The following NEDD4 variants were observed in gnomAD, a reference collection of about 807,000 sequenced individuals.
NEDD4 encodes the protein E3 ubiquitin-protein ligase NEDD4.
Under a neutral mutation model 144.9 loss-of-function variants are expected in NEDD4, and 99 were observed. The observed-to-expected ratio is 0.68, with a 90% CI of 0.58 to 0.81. NEDD4 has a LOEUF of 0.81. Among genes scored for constraint, NEDD4 ranks in the 30% least tolerant of loss-of-function variants. NEDD4 has a pLI of 0.00. For missense variants in NEDD4, 985 were observed against 1,065.9 expected (o/e 0.92, Z 1.06); for synonymous variants, 318 against 350.6 (o/e 0.91, Z 1.04).
At chr15:55,978,810 T>C (rs62045225) in intron 1 of NEDD4, among the ~76,000 whole-genome samples, 27,305 of 151,666 alleles carry the variant, frequency 0.18, 2,552 homozygotes, top group Non-Finnish European at 0.21. Flanking sequence ...TGTGATGTAA[T>C]GTGTTATCTA....
intron 28 of NEDD4, 79 bp from the exon 29 acceptor site, chr15:55,830,078 A>G: frequency 1.0e-6 from 1 of 961,206 alleles, no homozygotes. Flanking sequence ...CAATGCTGCT[A>G]TTCTTGATGA....
intron 5 of NEDD4, chr15:55,916,093 T>A: frequency 6.2e-7 from 1 of 1,613,982 alleles, no homozygotes; most frequent in Non-Finnish European, 8.5e-7. Flanking sequence ...AATTTCATAA[T>A]CTCTAATCCA....
chr15:55,977,624 A>G (rs2037727558), intron 1 of NEDD4, among the ~76,000 whole-genome samples: 1 of 151,908 alleles, frequency 6.6e-6, no homozygotes, highest in African/African-American at 2.4e-5. Context: ...ATCTTTCAAG[A>G]AAGAAGGGAA....
At chr15:55,910,472 G>A (rs1316260095) in intron 5 of NEDD4, among the ~76,000 whole-genome samples, 1 of 151,824 alleles carries the variant, frequency 6.6e-6, no homozygotes, top group African/African-American at 2.4e-5. Flanking sequence ...GCCTCTGTGT[G>A]GTTCCTCCTT....
rs753189798 is a variant in NEDD4, at chr15:55,869,543, T to G, written c.507+36A>C. 5.8e-5 allele frequency: 75 copies of G among 1,284,970 alleles called. 1 individual carries two copies. In the South Asian group the frequency reaches 7.3e-4, roughly 12 times the overall value. 79.6% of individuals were successfully genotyped at this position (1,284,970 alleles called of 1,614,324 possible). ...AGTACAGTAAAATAAGAAATTAAAA[T>G]TTTTTTAGTTTAACCAAATATTTAT... On this transcript the variant is annotated intron_variant, in intron 8 of 28. Coordinates refer to ENST00000435532, the MANE Select transcript of NEDD4 (RefSeq NM_006154.4).
chr15:55,928,046 G>C (rs1210674022), intron 4 of NEDD4, among the ~76,000 whole-genome samples: 2 of 151,626 alleles, frequency 1.3e-5, no homozygotes, highest in African/African-American at 4.9e-5. Context: ...TTCTCACTCT[G>C]TCACCCTGGC....
intron 4 of NEDD4, among the ~76,000 whole-genome samples, chr15:55,944,545 A>AGG (rs1468118060): frequency 6.6e-6 from 1 of 152,176 alleles, no homozygotes; most frequent in African/African-American, 2.4e-5. Context: ...TATAGACTCA[A>AGG]CCTCTGTGAG....
At chr15:55,973,398 C>CA (rs1566974368) in intron 1 of NEDD4, among the ~76,000 whole-genome samples, 1 of 151,116 alleles carries the variant, frequency 6.6e-6, no homozygotes, top group African/African-American at 2.5e-5. Flanking sequence ...AAAACAACAA[C>CA]AAAAAAACAG....
intron 5 of NEDD4, among the ~76,000 whole-genome samples, chr15:55,907,247 A>T (rs146553620): frequency 0.021 from 3,127 of 152,196 alleles, 51 homozygotes; most frequent in Non-Finnish European, 0.03. Context: ...CAGGAAGTGC[A>T]AACTTTGGCT....
chr15:55,982,719 T>G (rs1445625925), intron 1 of NEDD4, among the ~76,000 whole-genome samples: 4 of 152,194 alleles, frequency 2.6e-5, no homozygotes, highest in African/African-American at 4.8e-5. Context: ...TTTCACTCTT[T>G]GTAAATTTCA....
intron 27 of NEDD4, among the ~76,000 whole-genome samples, chr15:55,831,219 C>T (rs1315154316): frequency 6.6e-6 from 1 of 152,148 alleles, no homozygotes; most frequent in Non-Finnish European, 1.5e-5. Flanking sequence ...CGCACCCAGC[C>T]GCCTTAACAT....
At chr15:55,876,161 A>AT (rs1381078917) in intron 5 of NEDD4, among the ~76,000 whole-genome samples, 1 of 152,170 alleles carries the variant, frequency 6.6e-6, no homozygotes. Flanking sequence ...AAAACTATCC[A>AT]TAAAAAAGGG....
At chr15:55,858,500 G>C (rs1184981175) in intron 11 of NEDD4, among the ~76,000 whole-genome samples, 1 of 152,028 alleles carries the variant, frequency 6.6e-6, no homozygotes, top group Non-Finnish European at 1.5e-5. Flanking sequence ...TAGTGACAAG[G>C]TTTCGCCATG....
At chr15:55,953,971 C>T (rs1352564902) in intron 2 of NEDD4, among the ~76,000 whole-genome samples, 1 of 152,188 alleles carries the variant, frequency 6.6e-6, no homozygotes, top group Non-Finnish European at 1.5e-5. Context: ...CCTCCTGCCT[C>T]GGCCTCCCAG....
chr15:55,851,678 T>A (rs910660362), intron 13 of NEDD4, among the ~76,000 whole-genome samples: 1 of 152,010 alleles, frequency 6.6e-6, no homozygotes, highest in Non-Finnish European at 1.5e-5. Context: ...GGTTTCTCCA[T>A]GTTGGTCAGG....
chr15:55,931,514 G>GA lies in NEDD4; in HGVS notation c.238-6816dup, dbSNP rs1292724677. Among the ~76,000 whole-genome samples, 3 of 151,016 alleles carry GA rather than the reference G, an allele frequency of 2.0e-5. No homozygotes were observed. The East Asian group carries it at 5.8e-4, about 29-fold the overall frequency. ...GATATTTTAAGGAAAGGCAAAAGCAGAAAAAAAATAAAAATATCAGTGACA... is the reference window on the plus strand; with the variant it reads ...GATATTTTAAGGAAAGGCAAAAGCAGAAAAAAAAATAAAAATATCAGTGACA... On this transcript the variant is annotated intron_variant, in intron 4 of 28. Coordinates refer to ENST00000435532, the MANE Select transcript of NEDD4 (RefSeq NM_006154.4).
intron 1 of NEDD4, among the ~76,000 whole-genome samples, chr15:55,979,515 G>A (rs566613699): frequency 8.3e-4 from 124 of 150,222 alleles, no homozygotes; most frequent in Non-Finnish European, 1.3e-3. Flanking sequence ...CACCGCGCCC[G>A]GCTAATTTTT....
At chr15:55,921,970 A>G (rs568329291) in intron 5 of NEDD4, among the ~76,000 whole-genome samples, 1 of 152,348 alleles carries the variant, frequency 6.6e-6, no homozygotes, top group South Asian at 2.1e-4. Context: ...AAATAACGCA[A>G]ATAAAATAGT....
chr15:55,993,144 G>T (rs1009098600), intron 1 of NEDD4, among the ~76,000 whole-genome samples: 3 of 152,240 alleles, frequency 2.0e-5, no homozygotes, highest in Non-Finnish European at 4.4e-5. Context: ...GTCTCCCAAC[G>T]CCTGGGAGCT....
Sources: allele counts gnomAD v4.1 joint callset (sites outside exome capture counted in the v4.1 genomes callset), GRCh38; gene constraint gnomAD v4.1.1; transcripts MANE v1.5; gene names NCBI Gene and HGNC (gene_info 2026-07-23, HGNC 2026-07-21).